The following MAF variants were observed in gnomAD, a reference collection of about 807,000 sequenced individuals.
MAF encodes the protein transcription factor Maf.
Under a neutral mutation model 22.0 loss-of-function variants are expected in MAF, and 10 were observed. That is an observed-to-expected ratio of 0.45 (90% CI 0.28 to 0.77). MAF has a LOEUF of 0.77. MAF is among the 30% of genes least tolerant of loss of function. MAF has a pLI of 0.12. For missense variants in MAF, 544 were observed against 548.4 expected (o/e 0.99, Z 0.08); for synonymous variants, 337 against 255.8 (o/e 1.32, Z -3.03).
chr16:79,439,979 G>A, the MAF span, among the ~76,000 whole-genome samples: 1 of 152,210 alleles, frequency 6.6e-6, no homozygotes, highest in Non-Finnish European at 1.5e-5. Flanking sequence ...CTGGCCACAG[G>A]CGCTTCACTG....
At chr16:79,215,677 A>G in the MAF span, among the ~76,000 whole-genome samples, 1 of 152,130 alleles carries the variant, frequency 6.6e-6, no homozygotes, top group Non-Finnish European at 1.5e-5. Context: ...CCAAATCAAG[A>G]TTTCCAAGTC....
At chr16:79,505,386 G>C in the MAF span, among the ~76,000 whole-genome samples, 1 of 152,164 alleles carries the variant, frequency 6.6e-6, no homozygotes, top group Non-Finnish European at 1.5e-5. Context: ...TTGTGAGGCT[G>C]GTTTGTCCTT....
chr16:79,422,863 G>A, the MAF span, among the ~76,000 whole-genome samples: 3 of 152,172 alleles, frequency 2.0e-5, no homozygotes, highest in African/African-American at 7.2e-5. Flanking sequence ...AGGAATAAAA[G>A]AGGTAAGGTC....
chr16:79,488,733 G>C, the MAF span, among the ~76,000 whole-genome samples: 1 of 152,154 alleles, frequency 6.6e-6, no homozygotes. Context: ...GTCTTGCTAT[G>C]TCAGAGGCAC....
rs1913860569 is a variant in MAF, at chr16:79,599,509, C to T, written c.394G>A (p.Ala132Thr). 4 of 1,521,824 alleles carry T rather than the reference C, an allele frequency of 2.6e-6. No homozygotes were observed. The highest frequency in any genetic ancestry group is 3.5e-6 in the Non-Finnish European group (4 of 1,136,584). The allele number at this position is 1,521,824 out of a possible 1,614,324, so 94.3% of individuals were successfully genotyped here. A position where few individuals can be genotyped will look rare whatever the true frequency, so the allele number is the denominator to read the frequency against. ...GCGGCCAGCTGCTGCGCCCCGCGCGCGTAGCCATCGAAGCCGCCCTGGAGC... is the reference window on the plus strand; with the variant it reads ...GCGGCCAGCTGCTGCGCCCCGCGCGTGTAGCCATCGAAGCCGCCCTGGAGC... ...HQLQGGFDGY[A>T]RGAQQLAAAA... is the part of the protein sequence containing the mutation. The change falls in exon 1 of 2, where the codon GCG becomes ACG. Residue 132 changes from alanine to threonine, a missense_variant. Physicochemically the swap from Ala to Thr is moderately conservative, Grantham distance 58. Transcript: ENST00000326043.
chr16:79,546,318 G>C, the MAF span, among the ~76,000 whole-genome samples: 2 of 151,692 alleles, frequency 1.3e-5, no homozygotes, highest in African/African-American at 2.4e-5. Context: ...TTCAGAGTGG[G>C]ATATTATAGA....
chr16:79,351,364 C>A, the MAF span, among the ~76,000 whole-genome samples: 3 of 152,166 alleles, frequency 2.0e-5, no homozygotes, highest in Non-Finnish European at 4.4e-5. Flanking sequence ...AAATTCTCAG[C>A]ACATCTGAAC....
chr16:79,275,739 C>T, the MAF span, among the ~76,000 whole-genome samples: 5 of 152,136 alleles, frequency 3.3e-5, no homozygotes, highest in African/African-American at 1.2e-4. Flanking sequence ...TGTTTTACTT[C>T]CATTTTTGTT....
At chr16:79,514,984 G>A in the MAF span, among the ~76,000 whole-genome samples, 7 of 152,204 alleles carry the variant, frequency 4.6e-5, no homozygotes, top group Admixed American at 1.3e-4. Flanking sequence ...CACCATTACC[G>A]TGCTCAAGTG....
the MAF span, among the ~76,000 whole-genome samples, chr16:79,350,744 C>G: frequency 6.6e-6 from 1 of 152,184 alleles, no homozygotes; most frequent in South Asian, 2.1e-4. Flanking sequence ...GGGACCTGCC[C>G]TGGGAACCTG....
At chr16:79,544,112 G>A in the MAF span, among the ~76,000 whole-genome samples, 3 of 151,996 alleles carry the variant, frequency 2.0e-5, no homozygotes, top group Non-Finnish European at 4.4e-5. Context: ...CCAACAAGTG[G>A]TATGATATGG....
At chr16:79,311,841 C>T in the MAF span, among the ~76,000 whole-genome samples, 5 of 152,252 alleles carry the variant, frequency 3.3e-5, no homozygotes, top group East Asian at 3.9e-4. Flanking sequence ...GCATGAAGGA[C>T]GGAGTGAACG....
the MAF span, among the ~76,000 whole-genome samples, chr16:79,330,794 A>T: frequency 6.6e-6 from 1 of 152,220 alleles, no homozygotes; most frequent in Non-Finnish European, 1.5e-5. Context: ...TAAGTCAGGA[A>T]TGTGTGGCTT....
At chr16:79,438,899 C>A in the MAF span, among the ~76,000 whole-genome samples, 1 of 152,250 alleles carries the variant, frequency 6.6e-6, no homozygotes, top group African/African-American at 2.4e-5. Flanking sequence ...CTGGGACCGT[C>A]CAGGGAGGTA....
chr16:79,574,705 C>T, the MAF span, among the ~76,000 whole-genome samples: 2 of 152,182 alleles, frequency 1.3e-5, no homozygotes, highest in Non-Finnish European at 1.5e-5. Context: ...TGGCTTCAAA[C>T]TGAGGCTTCT....
chr16:79,409,418 G>A, the MAF span, among the ~76,000 whole-genome samples: 2 of 152,220 alleles, frequency 1.3e-5, no homozygotes, highest in South Asian at 2.1e-4. Context: ...AGAGACATCT[G>A]TGTTTCTGAG....
At chr16:79,380,559 A>G in the MAF span, among the ~76,000 whole-genome samples, 1 of 152,222 alleles carries the variant, frequency 6.6e-6, no homozygotes, top group African/African-American at 2.4e-5. Context: ...TTGTCTTTGC[A>G]TTAACTGCTA....
At chr16:79,558,187 G>T in the MAF span, among the ~76,000 whole-genome samples, 1 of 152,178 alleles carries the variant, frequency 6.6e-6, no homozygotes, top group African/African-American at 2.4e-5. Flanking sequence ...TTAGCACGAG[G>T]ATTGTTGGAA....
the MAF span, chr16:79,211,779 G>T: frequency 2.8e-4 from 450 of 1,613,942 alleles, 5 homozygotes; most frequent in Middle Eastern, 4.0e-3. Flanking sequence ...AGAACGGCTT[G>T]GCAGCCAGTC....
Sources: allele counts gnomAD v4.1 joint callset (sites outside exome capture counted in the v4.1 genomes callset), GRCh38; gene constraint gnomAD v4.1.1; transcripts MANE v1.5; gene names NCBI Gene and HGNC (gene_info 2026-07-23, HGNC 2026-07-21).